Variants in SLC9C1 observed in about 807,000 individuals in gnomAD.
SLC9C1 encodes sodium/hydrogen exchanger 10.
A neutral mutation model predicts 140.9 loss-of-function variants in SLC9C1; 97 were observed. The observed-to-expected ratio is 0.69, with a 90% CI of 0.58 to 0.82. The LOEUF is 0.82. Among genes scored for constraint, SLC9C1 ranks in the 40% least tolerant of loss-of-function variants. The pLI is 0.00. For missense variants in SLC9C1, 1,340 were observed against 1,389.3 expected (o/e 0.96, Z 0.56); for synonymous variants, 440 against 442.6 (o/e 0.99, Z 0.07).
chr3:112,187,485 A>G (rs2077561327), intron 20 of SLC9C1, among the ~76,000 whole-genome samples: 1 of 152,176 alleles, frequency 6.6e-6, no homozygotes, highest in Admixed American at 6.5e-5. Context: ...TTCAATTTGT[A>G]CAAGGCACAC....
At chr3:112,168,049 A>G (rs182933590) in intron 25 of SLC9C1, among the ~76,000 whole-genome samples, 29 of 152,230 alleles carry the variant, frequency 1.9e-4, no homozygotes, top group African/African-American at 5.5e-4. Context: ...CTTTTTTCTT[A>G]TGTCCAAAAT....
chr3:112,174,908 G>A lies in SLC9C1; in HGVS notation c.2919+4623C>T, dbSNP rs115862453. On this transcript the variant is annotated intron_variant, in intron 23 of 28. Coordinates refer to ENST00000305815, the MANE Select transcript of SLC9C1 (RefSeq NM_183061.3). Reference sequence around the variant, plus strand: ...AGGAAAAGTGAGGATCTGGATCTGCGTGGAGAACAGTCTGGCCACTTTTCT... The same window carrying A: ...AGGAAAAGTGAGGATCTGGATCTGCATGGAGAACAGTCTGGCCACTTTTCT... 9.8e-3 allele frequency among the ~76,000 whole-genome samples: 1,491 copies of A among 152,250 alleles called. 29 individuals are homozygous for A. The highest frequency in any genetic ancestry group is 0.034 in the African/African-American group (1,402 of 41,542).
Position 112,290,194 on chromosome 3 carries a change from C to A in SLC9C1, c.-87-3316G>T, listed in dbSNP as rs544020245. On this transcript the variant is annotated intron_variant, in intron 1 of 28. Coordinates refer to ENST00000305815, the MANE Select transcript of SLC9C1 (RefSeq NM_183061.3). ...AGCATCCTCGAGTATACAGGCTAGACGAAATAAGGAAAATTATTTTCTGTA... is the reference window on the plus strand; with the variant it reads ...AGCATCCTCGAGTATACAGGCTAGAAGAAATAAGGAAAATTATTTTCTGTA... 3.9e-5 allele frequency among the ~76,000 whole-genome samples: 6 copies of A among 152,234 alleles called. No individual in the cohort carries two copies. The East Asian group carries it at 9.6e-4, about 24-fold the overall frequency.
intron 13 of SLC9C1, among the ~76,000 whole-genome samples, chr3:112,225,210 G>A (rs2078650880): frequency 6.6e-6 from 1 of 152,032 alleles, no homozygotes; most frequent in Non-Finnish European, 1.5e-5. Context: ...TTATAGGCCA[G>A]AAAAGAATAA....
chr3:112,221,875 G>T (rs1333999312), intron 13 of SLC9C1, among the ~76,000 whole-genome samples: 6 of 152,090 alleles, frequency 3.9e-5, no homozygotes, highest in African/African-American at 7.2e-5. Context: ...TCCATATGCT[G>T]AACACTATTC....
chr3:112,165,682 T>G (rs369697333), intron 26 of SLC9C1, among the ~76,000 whole-genome samples: 300 of 152,300 alleles, frequency 2.0e-3, no homozygotes, highest in East Asian at 3.9e-3. Context: ...CTGTCCCTAC[T>G]GGGGGGTGCC....
intron 12 of SLC9C1, among the ~76,000 whole-genome samples, chr3:112,233,448 C>T (rs146527848): frequency 5.9e-5 from 9 of 152,152 alleles, no homozygotes; most frequent in African/African-American, 2.2e-4. Context: ...ACACATAAAA[C>T]ATATATTTTA....
At chr3:112,277,961 C>A in intron 4 of SLC9C1, 101 bp from the exon 5 acceptor site, 2 of 953,230 alleles carry the variant, frequency 2.1e-6, no homozygotes, top group Non-Finnish European at 1.5e-6. Flanking sequence ...CAACCAACAC[C>A]AACAGTACCC....
At chr3:112,142,950 T>A (rs2074675519) in intron 28 of SLC9C1, among the ~76,000 whole-genome samples, 1 of 151,130 alleles carries the variant, frequency 6.6e-6, no homozygotes, top group Non-Finnish European at 1.5e-5. Context: ...GAGTACCCAA[T>A]GTTTAGTTCC....
intron 1 of SLC9C1, among the ~76,000 whole-genome samples, chr3:112,292,082 A>G (rs1341726341): frequency 6.6e-6 from 1 of 152,226 alleles, no homozygotes; most frequent in Non-Finnish European, 1.5e-5. Flanking sequence ...ACACGTGGAC[A>G]CATAGAGGGG....
chr3:112,212,812 C>T (rs1362864937), intron 15 of SLC9C1, among the ~76,000 whole-genome samples: 4 of 152,122 alleles, frequency 2.6e-5, no homozygotes, highest in African/African-American at 9.7e-5. Flanking sequence ...GATTCCCCAA[C>T]CTAGCAAGGC....
chr3:112,264,983 TATTG>T (rs746762327), intron 8 of SLC9C1, among the ~76,000 whole-genome samples: 1 of 151,862 alleles, frequency 6.6e-6, no homozygotes, highest in Admixed American at 6.6e-5. Flanking sequence ...GATAGAGTAA[TATTG>T]GAGAGTCACA....
At chr3:112,204,697 C>T (rs1351556200) in intron 16 of SLC9C1, among the ~76,000 whole-genome samples, 3 of 151,970 alleles carry the variant, frequency 2.0e-5, no homozygotes, top group African/African-American at 7.2e-5. Flanking sequence ...CAAATTCAGA[C>T]AAAAATGTAG....
At chr3:112,209,212 GA>G (rs11294478) in intron 15 of SLC9C1, among the ~76,000 whole-genome samples, 114,617 of 151,628 alleles carry the variant, frequency 0.76, 43,685 homozygotes, top group East Asian at 0.99. Context: ...GATACCATTT[GA>G]AAAAAAAATA....
intron 7 of SLC9C1, among the ~76,000 whole-genome samples, chr3:112,268,231 C>G (rs1462710955): frequency 6.6e-6 from 1 of 152,144 alleles, no homozygotes; most frequent in African/African-American, 2.4e-5. Context: ...ATCATTCTCT[C>G]ACTGTCTGTT....
intron 15 of SLC9C1, among the ~76,000 whole-genome samples, chr3:112,211,162 T>A (rs1263951794): frequency 6.6e-6 from 1 of 152,170 alleles, no homozygotes; most frequent in Non-Finnish European, 1.5e-5. Flanking sequence ...TATGCAAAAA[T>A]TTTTAAAAAG....
chr3:112,165,186 A>G (rs959869321), intron 26 of SLC9C1, among the ~76,000 whole-genome samples: 1 of 151,942 alleles, frequency 6.6e-6, no homozygotes, highest in African/African-American at 2.4e-5. Flanking sequence ...AGTTTTTTTC[A>G]AGGTTTTTAA....
rs762257130 is a variant in SLC9C1, at chr3:112,168,889, T to C, written c.3225A>G (p.Ile1075Met). ...AATATTTCTTTACCTGATGGCATGT[T>C]ATAGGAATTAAGAAAGGTGCTCTAT... ...KTYRAPFLIPITCHQIQSIED... is the reference protein window; with the variant it reads ...KTYRAPFLIPMTCHQIQSIED... Residue 1075 changes from isoleucine to methionine, a missense_variant, in exon 25 of 29, where the codon ATA (isoleucine) becomes ATG (methionine). By Grantham distance (10) the Ile-to-Met change is conservative (BLOSUM62 1). Transcript: ENST00000305815. 12 of 1,591,534 alleles carry C rather than the reference T, an allele frequency of 7.5e-6. No individual in the cohort carries two copies. In the Admixed American group the frequency reaches 1.8e-4, roughly 24 times the overall value.
intron 20 of SLC9C1, among the ~76,000 whole-genome samples, chr3:112,198,767 A>T (rs1028529056): frequency 1.3e-5 from 2 of 151,940 alleles, no homozygotes; most frequent in East Asian, 3.9e-4. Context: ...GTTCACTACT[A>T]TTATGCTAAG....
Sources: allele counts gnomAD v4.1 joint callset (sites outside exome capture counted in the v4.1 genomes callset), GRCh38; gene constraint gnomAD v4.1.1; transcripts MANE v1.5; gene names NCBI Gene and HGNC (gene_info 2026-07-23, HGNC 2026-07-21).